The following MYO5C variants were observed in gnomAD, a reference collection of about 807,000 sequenced individuals.
MYO5C encodes unconventional myosin-Vc.
MYO5C carries 194 observed loss-of-function variants against 235.7 expected under a neutral mutation model. The ratio of observed to expected loss-of-function variants is 0.82; its 90% CI spans 0.73 to 0.93. The LOEUF (loss-of-function observed/expected upper bound fraction) is 0.93, where lower values mean the gene tolerates loss of function less well. Among genes scored for constraint, MYO5C ranks in the 40% least tolerant of loss-of-function variants. The pLI, the probability that MYO5C is intolerant of heterozygous loss-of-function variation, is 0.00. For synonymous variants in MYO5C, 707 were observed against 754.8 expected (o/e 0.94, Z 1.04); for missense variants, 2,038 against 2,127.2 (o/e 0.96, Z 0.82).
chr15:52,260,937 A>G lies in MYO5C; in HGVS notation c.1238T>C (p.Ile413Thr), dbSNP rs562832562. Residue 413 changes from isoleucine to threonine, a missense_variant, in exon 10 of 41, where the codon ATT (isoleucine) becomes ACT (threonine). Coordinates refer to ENST00000261839, the MANE Select transcript of MYO5C (RefSeq NM_018728.4). Reference protein sequence around the residue: ...KKIYAHLFDFIVERINQALQF... With the variant: ...KKIYAHLFDFTVERINQALQF... ...CAACGCTTGGTTAATTCTCTCCACAATGAAGTCGAACAGGTGAGCATAGAT... is the reference window on the plus strand; with the variant it reads ...CAACGCTTGGTTAATTCTCTCCACAGTGAAGTCGAACAGGTGAGCATAGAT... 43 of 1,614,074 alleles carry G rather than the reference A, an allele frequency of 2.7e-5. No homozygotes were observed. Among genetic ancestry groups the G allele is most frequent in the Non-Finnish European group, 3.6e-5 (42 of 1,180,036 alleles).
intron 38 of MYO5C, among the ~76,000 whole-genome samples, chr15:52,202,715 C>T (rs951263494): frequency 2.0e-5 from 3 of 152,054 alleles, no homozygotes; most frequent in Non-Finnish European, 4.4e-5. Flanking sequence ...TTCTGAATAC[C>T]CCTTTCTATC....
At chr15:52,201,262 A>G (rs1228387681) in intron 38 of MYO5C, among the ~76,000 whole-genome samples, 1 of 151,928 alleles carries the variant, frequency 6.6e-6, no homozygotes, top group African/African-American at 2.4e-5. Context: ...AAAGACAAAG[A>G]AAAAAAAATC....
intron 38 of MYO5C, 52 bp downstream of exon 38, chr15:52,204,813 G>C: frequency 6.3e-7 from 1 of 1,587,576 alleles, no homozygotes; most frequent in Admixed American, 1.7e-5. Flanking sequence ...CGGACTTCAA[G>C]AGCATCCTTT....
At chr15:52,203,087 A>AT (rs1021571595) in intron 38 of MYO5C, among the ~76,000 whole-genome samples, 1 of 151,352 alleles carries the variant, frequency 6.6e-6, no homozygotes, top group African/African-American at 2.4e-5. Context: ...GGCCTGGCTA[A>AT]TTTTTTTGTA....
At chr15:52,221,840 C>A (rs139548709) in intron 29 of MYO5C, among the ~76,000 whole-genome samples, 30 of 152,264 alleles carry the variant, frequency 2.0e-4, no homozygotes, top group African/African-American at 7.2e-4. Context: ...GAGATCCAGG[C>A]CTCTGAAGTC....
rs1232811927 is a variant in MYO5C, at chr15:52,211,888, A to G, written c.4142-4T>C. 1 of 1,613,248 alleles carries G rather than the reference A, an allele frequency of 6.2e-7. No individual in the cohort carries two copies. Among genetic ancestry groups the G allele is most frequent in the Non-Finnish European group, 8.5e-7 (1 of 1,179,580 alleles). On this transcript the variant is annotated splice_region_variant and splice_polypyrimidine_tract_variant and intron_variant, in intron 34 of 40. Transcript: ENST00000261839. ...ACCACGCCACGGGGCTTCAAGTCTG[A>G]AGCAGAGAGAGCCAATGAGGATTAC... is the stretch of plus-strand genomic sequence containing the variant.
intron 37 of MYO5C, 59 bp downstream of exon 37, chr15:52,205,757 T>C (rs1325367943): frequency 2.2e-5 from 25 of 1,118,544 alleles, no homozygotes; most frequent in Non-Finnish European, 3.0e-5. Context: ...ACCAAGTTTA[T>C]GTTTTAAAAA....
intron 31 of MYO5C, among the ~76,000 whole-genome samples, chr15:52,219,234 C>G (rs998579573): frequency 6.6e-6 from 1 of 152,188 alleles, no homozygotes; most frequent in African/African-American, 2.4e-5. Flanking sequence ...GGCAACAAAA[C>G]AGAACATTCT....
At chr15:52,204,840 G>C (rs1242274809) in intron 38 of MYO5C, 25 bp downstream of exon 38, 1 of 1,608,550 alleles carries the variant, frequency 6.2e-7, no homozygotes, top group East Asian at 2.2e-5. Flanking sequence ...GCCTCTCCGC[G>C]TGAGCGGAGG....
intron 1 of MYO5C, among the ~76,000 whole-genome samples, chr15:52,286,878 A>G (rs1241917106): frequency 6.6e-6 from 1 of 150,806 alleles, no homozygotes; most frequent in African/African-American, 2.4e-5. Context: ...CCTTCCCTCC[A>G]CTATTGTCCT....
chr15:52,279,751 C>A, intron 2 of MYO5C, 77 bp from the exon 3 acceptor site: 2 of 1,358,936 alleles, frequency 1.5e-6, no homozygotes, highest in South Asian at 1.4e-5. Flanking sequence ...GTCCTTTGTC[C>A]TATCCACCCC....
chr15:52,234,723 A>G (rs986412066), intron 23 of MYO5C, among the ~76,000 whole-genome samples: 4 of 152,170 alleles, frequency 2.6e-5, no homozygotes, highest in African/African-American at 4.8e-5. Flanking sequence ...CAGCACCTGC[A>G]CAGCCTTTCC....
At position 52,236,638 on chromosome 15, in the gene MYO5C, C is replaced by T. The variant is rs1485251384; in HGVS notation, c.2868+844G>A. Reference sequence around the variant, plus strand: ...TTGCAGTGAGCCGAGATTGCGCCACCGCACTCCAGCCCGGATGACAGAGCA... The same window carrying T: ...TTGCAGTGAGCCGAGATTGCGCCACTGCACTCCAGCCCGGATGACAGAGCA... On this transcript the variant is annotated intron_variant, in intron 22 of 40. Coordinates refer to ENST00000261839, the MANE Select transcript of MYO5C (RefSeq NM_018728.4). 3.3e-5 allele frequency among the ~76,000 whole-genome samples: 5 copies of T among 151,808 alleles called. No individual in the cohort carries two copies. In the East Asian group the frequency reaches 5.8e-4, roughly 18 times the overall value.
intron 38 of MYO5C, among the ~76,000 whole-genome samples, chr15:52,203,069 C>T (rs543377124): frequency 2.0e-5 from 3 of 151,948 alleles, no homozygotes; most frequent in East Asian, 3.9e-4. Context: ...TACAGGTGTG[C>T]ACCACCAGGC....
At chr15:52,280,819 A>T (rs77023030) in intron 2 of MYO5C, among the ~76,000 whole-genome samples, 5,353 of 152,300 alleles carry the variant, frequency 0.035, 147 homozygotes, top group East Asian at 0.16. Flanking sequence ...TTGTTGTCCA[A>T]GGTCACACAG....
chr15:52,247,806 A>G (rs1224532437), intron 14 of MYO5C, among the ~76,000 whole-genome samples: 1 of 152,136 alleles, frequency 6.6e-6, no homozygotes, highest in African/African-American at 2.4e-5. Context: ...AGAGAAGAAA[A>G]GTGTGTAAAT....
intron 38 of MYO5C, among the ~76,000 whole-genome samples, chr15:52,197,394 A>T (rs558762716): frequency 6.6e-6 from 1 of 152,334 alleles, no homozygotes; most frequent in East Asian, 1.9e-4. Flanking sequence ...AAAAGATAAC[A>T]TTTTATGATT....
intron 21 of MYO5C, 71 bp downstream of exon 21, chr15:52,239,662 G>A: frequency 6.7e-7 from 1 of 1,490,986 alleles, no homozygotes; most frequent in Non-Finnish European, 9.0e-7. Flanking sequence ...GCACAGCTAA[G>A]GAACTGCTCC....
chr15:52,248,275 C>T (rs756703554), intron 14 of MYO5C, among the ~76,000 whole-genome samples: 11 of 152,088 alleles, frequency 7.2e-5, no homozygotes, highest in Non-Finnish European at 1.6e-4. Flanking sequence ...TCCCAAGTAG[C>T]TGGGACTACA....
Sources: gnomAD v4.1 joint callset for allele counts (sites outside exome capture counted in the v4.1 genomes callset) on GRCh38, gnomAD v4.1.1 for gene constraint, MANE v1.5 for transcripts, NCBI Gene and HGNC (gene_info 2026-07-23, HGNC 2026-07-21) for gene names.